The following ARIH2 variants were observed in gnomAD, a reference collection of about 807,000 sequenced individuals.
ARIH2 encodes E3 ubiquitin-protein ligase ARIH2.
In ARIH2, 12 loss-of-function variants were observed where a neutral mutation model predicts 79.8. The ratio of observed to expected loss-of-function variants is 0.15; its 90% confidence interval spans 0.10 to 0.24. The LOEUF (loss-of-function observed/expected upper bound fraction) is 0.24. Among genes scored for constraint, ARIH2 ranks in the 10% least tolerant of loss-of-function variants. ARIH2 has a pLI of 1.00. For missense variants in ARIH2, 301 were observed against 618.3 expected (o/e 0.49, Z 5.44); for synonymous variants, 224 against 213.9 (o/e 1.05, Z -0.41).
At chr3:48,967,338 T>A (rs1189945057) in intron 6 of ARIH2, 63 bp downstream of exon 6, 15 of 1,546,014 alleles carry the variant, frequency 9.7e-6, no homozygotes, top group Non-Finnish European at 1.2e-5. Flanking sequence ...CTCTGCCTTT[T>A]CATGTACTCA....
chr3:48,945,006 C>G (rs1308268916), intron 3 of ARIH2: 1 of 714,870 alleles, frequency 1.4e-6, no homozygotes, highest in African/African-American at 1.8e-5. Flanking sequence ...TGTTTGTTAA[C>G]AAAAGTGATT....
chr3:48,945,102 A>G, intron 3 of ARIH2: 1 of 1,289,420 alleles, frequency 7.8e-7, no homozygotes, highest in Non-Finnish European at 1.0e-6. Context: ...AGAATTCTAA[A>G]TAAAAATTGA....
intron 12 of ARIH2, 92 bp from the exon 13 acceptor site, chr3:48,980,261 C>T (rs922760113): frequency 7.3e-7 from 1 of 1,361,638 alleles, no homozygotes; most frequent in Non-Finnish European, 1.0e-6. Context: ...GTGGCCATGT[C>T]CTGCCAGCAA....
intron 3 of ARIH2, among the ~76,000 whole-genome samples, chr3:48,936,240 T>C (rs1056614566): frequency 2.0e-5 from 3 of 152,090 alleles, no homozygotes; most frequent in Admixed American, 6.6e-5. Context: ...AGGAAAAATT[T>C]GAAGGATTAG....
At chr3:48,938,098 G>T (rs1299639257) in intron 3 of ARIH2, among the ~76,000 whole-genome samples, 2 of 150,750 alleles carry the variant, frequency 1.3e-5, no homozygotes, top group African/African-American at 4.9e-5. Context: ...GATGAGAAAT[G>T]GGGTTTCACC....
At chr3:48,939,513 T>G (rs2087713806) in intron 3 of ARIH2, among the ~76,000 whole-genome samples, 1 of 151,324 alleles carries the variant, frequency 6.6e-6, no homozygotes, top group South Asian at 2.1e-4. Flanking sequence ...ATCCCAGCAC[T>G]TTGGGAGGCC....
chr3:48,962,196 A>G (rs1438287452), intron 4 of ARIH2, among the ~76,000 whole-genome samples: 2 of 151,980 alleles, frequency 1.3e-5, no homozygotes, highest in Non-Finnish European at 2.9e-5. Flanking sequence ...GGCCAGCATG[A>G]TGAAACCCCT....
At chr3:48,946,470 CTATA>C (rs1244889095) in intron 3 of ARIH2, among the ~76,000 whole-genome samples, 4 of 150,562 alleles carry the variant, frequency 2.7e-5, no homozygotes, top group Admixed American at 6.6e-5. Flanking sequence ...CAAAAACAGA[CTATA>C]GAGGATGACA....
At chr3:48,981,016 CAAA>C (rs34533467) in intron 13 of ARIH2, among the ~76,000 whole-genome samples, 1 of 30,136 alleles carries the variant, frequency 3.3e-5, no homozygotes, top group Admixed American at 5.7e-4. Context: ...GCAAGACTGT[CAAA>C]AAAAAAAAAA....
chr3:48,931,941 G>A (rs571421455), intron 3 of ARIH2, among the ~76,000 whole-genome samples: 2 of 152,142 alleles, frequency 1.3e-5, no homozygotes, highest in East Asian at 1.9e-4. Flanking sequence ...CCCAGGAGGC[G>A]GAGCTTGCAG....
Position 48,957,067 on chromosome 3 carries a change from C to T in ARIH2, c.256-4545C>T, listed in dbSNP as rs542443009. On this transcript the variant is annotated intron_variant, in intron 3 of 15. Transcript: ENST00000356401. ...TGTTGCCATTAAAAGAATAGATTTA[C>T]ACCTCACCACTGTCCATTTTATAAA... Among the ~76,000 whole-genome samples, 3 of 152,328 alleles carry T rather than the reference C, an allele frequency of 2.0e-5. No homozygotes were observed. The South Asian group carries it at 6.2e-4, about 32-fold the overall frequency.
rs1440827608 is a variant in ARIH2 at position 48,984,739 on chromosome 3, T to C, written c.*1469T>C. Reference sequence around the variant, plus strand: ...GAGCTGATACAGAGATCTGTGAATATTGTGATAGAAATTCTTTGGTATTCA... The same window carrying C: ...GAGCTGATACAGAGATCTGTGAATACTGTGATAGAAATTCTTTGGTATTCA... On this transcript the variant is annotated 3_prime_UTR_variant, in exon 16 of 16. Coordinates refer to ENST00000356401, the MANE Select transcript of ARIH2 (RefSeq NM_006321.4). 1.3e-5 allele frequency: 2 copies of C among 152,194 alleles called. No homozygotes were observed. Among genetic ancestry groups the C allele is most frequent in the African/African-American group, 4.8e-5 (2 of 41,446 alleles). The allele number at this position is 152,194 out of a possible 1,614,324, so 9.4% of individuals were successfully genotyped here.
chr3:48,936,087 A>G (rs989109017), intron 3 of ARIH2, among the ~76,000 whole-genome samples: 2 of 152,152 alleles, frequency 1.3e-5, no homozygotes, highest in Non-Finnish European at 2.9e-5. Flanking sequence ...GTTGACTGCA[A>G]TGTTTGGTCT....
chr3:48,980,221 T>A, intron 12 of ARIH2, 132 bp from the exon 13 acceptor site: 1 of 900,928 alleles, frequency 1.1e-6, no homozygotes, highest in Non-Finnish European at 1.7e-6. Context: ...GACCTGCTCT[T>A]GCACTTTGGG....
intron 8 of ARIH2, 40 bp from the exon 9 acceptor site, chr3:48,973,659 C>T: frequency 6.7e-7 from 1 of 1,489,480 alleles, no homozygotes; most frequent in South Asian, 1.1e-5. Context: ...GGGACCCTGA[C>T]TTAATGAATA....
intron 1 of ARIH2, 48 bp downstream of exon 1, chr3:48,919,046 T>TG (rs777957265): frequency 8.0e-5 from 107 of 1,329,984 alleles, no homozygotes; most frequent in South Asian, 2.5e-4. Context: ...GGCTGGCCGC[T>TG]GGGGGGGCCT....
intron 4 of ARIH2, among the ~76,000 whole-genome samples, chr3:48,963,439 G>A (rs929751475): frequency 6.6e-6 from 1 of 152,164 alleles, no homozygotes; most frequent in Non-Finnish European, 1.5e-5. Flanking sequence ...TTCTGACTAG[G>A]TAGAAATCAC....
At chr3:48,957,305 G>GT (rs535761898) in intron 3 of ARIH2, among the ~76,000 whole-genome samples, 1,797 of 152,318 alleles carry the variant, frequency 0.012, 18 homozygotes, top group Non-Finnish European at 0.019. Context: ...AGAGATCAGT[G>GT]TTAAACCTTC....
chr3:48,961,503 C>A, intron 3 of ARIH2, 109 bp from the exon 4 acceptor site: 1 of 590,704 alleles, frequency 1.7e-6, no homozygotes, highest in Non-Finnish European at 3.0e-6. Flanking sequence ...ATTTGGTAAT[C>A]CAGCCTGGGC....
Sources: gnomAD v4.1 joint callset for allele counts (sites outside exome capture counted in the v4.1 genomes callset) on GRCh38, gnomAD v4.1.1 for gene constraint, MANE v1.5 for transcripts, NCBI Gene and HGNC (gene_info 2026-07-23, HGNC 2026-07-21) for gene names.